Variants in FAT3 observed in about 807,000 individuals in gnomAD.
FAT3 encodes FAT atypical cadherin 3.
In FAT3, 95 loss-of-function variants were observed where a neutral mutation model predicts 310.2. The observed-to-expected ratio is 0.31, with a 90% CI of 0.26 to 0.36. The LOEUF (loss-of-function observed/expected upper bound fraction) is 0.36, where lower values mean the gene tolerates loss of function less well. FAT3 is among the 10% of genes least tolerant of loss of function. The pLI, the probability that FAT3 is intolerant of heterozygous loss-of-function variation, is 1.00. For synonymous variants in FAT3, 2,314 were observed against 2,192.9 expected (o/e 1.06, Z -1.54); for missense variants, 5,408 against 5,715.6 (o/e 0.95, Z 1.74).
chr11:92,284,992 T>A (rs1946522388), intron 1 of FAT3, among the ~76,000 whole-genome samples: 1 of 152,150 alleles, frequency 6.6e-6, no homozygotes, highest in African/African-American at 2.4e-5. Context: ...TGATAGAATT[T>A]TCTATTAGGA....
intron 18 of FAT3, 96 bp from the exon 19 acceptor site, chr11:92,843,838 C>T (rs1948607833): frequency 1.4e-5 from 16 of 1,175,092 alleles, no homozygotes; most frequent in South Asian, 7.5e-5. Context: ...AAGAAGCAAA[C>T]GTAAAGGTAC....
At chr11:92,776,873 C>G (rs1946611697) in intron 7 of FAT3, among the ~76,000 whole-genome samples, 1 of 152,140 alleles carries the variant, frequency 6.6e-6, no homozygotes, top group South Asian at 2.1e-4. Flanking sequence ...ATTACTCTGT[C>G]TGCTGAGCTA....
At chr11:92,292,618 T>C (rs926295117) in intron 1 of FAT3, among the ~76,000 whole-genome samples, 1 of 152,216 alleles carries the variant, frequency 6.6e-6, no homozygotes, top group Non-Finnish European at 1.5e-5. Flanking sequence ...GAGGTTATAC[T>C]GCATATAGCA....
chr11:92,409,202 A>G lies in FAT3; in HGVS notation c.3292+53798A>G, dbSNP rs192343173. 7.9e-5 allele frequency among the ~76,000 whole-genome samples: 12 copies of G among 152,190 alleles called. No homozygotes were observed. The East Asian group carries it at 2.1e-3, about 27-fold the overall frequency. Reference sequence around the variant, plus strand: ...CACAGATGTTAATAAATGTCACCACAGTATATTTGCTTTCTTTGTTAACCT... The same window carrying G: ...CACAGATGTTAATAAATGTCACCACGGTATATTTGCTTTCTTTGTTAACCT... On this transcript the variant is annotated intron_variant, in intron 2 of 27. Transcript: ENST00000525166.
chr11:92,442,102 TATATATATA>T (rs1223613988), intron 2 of FAT3, among the ~76,000 whole-genome samples: 32 of 51,066 alleles, frequency 6.3e-4, no homozygotes, highest in East Asian at 1.7e-3. Flanking sequence ...TATATATATA[TATATATATA>T]TTTTTTTTTT....
chr11:92,831,681 G>A lies in FAT3; in HGVS notation c.9541G>A (p.Asp3181Asn), dbSNP rs775979609. 5 of 1,613,378 alleles carry A rather than the reference G, an allele frequency of 3.1e-6. No homozygotes were observed. The African/African-American group carries it at 5.3e-5, about 17-fold the overall frequency. Residue 3181 changes from aspartate (D) to asparagine (N), a missense_variant, in exon 14 of 28, where the codon GAC becomes AAC. Transcript: ENST00000525166. ...CTCAGCTGGTGGGGTCTTCTCCATT[G>A]ACAGCTCATCTGGCATCATCATCCT... ...ADSAGGVFSI[D>N]SSSGIIILEQ...
chr11:92,328,491 G>A (rs534799872), intron 1 of FAT3, among the ~76,000 whole-genome samples: 1 of 152,088 alleles, frequency 6.6e-6, no homozygotes. Flanking sequence ...ATATCCTCTG[G>A]GTATTTTATT....
intron 4 of FAT3, among the ~76,000 whole-genome samples, chr11:92,728,252 T>C (rs918417959): frequency 6.6e-6 from 1 of 152,222 alleles, no homozygotes; most frequent in Non-Finnish European, 1.5e-5. Context: ...TGTTTGTTTG[T>C]TTGTTTAACT....
intron 2 of FAT3, among the ~76,000 whole-genome samples, chr11:92,484,866 C>A (rs1952329790): frequency 6.6e-6 from 1 of 152,186 alleles, no homozygotes; most frequent in Admixed American, 6.5e-5. Context: ...TGTAGGTGAA[C>A]TGAATTTATT....
At chr11:92,392,724 C>G (rs1949777751) in intron 2 of FAT3, among the ~76,000 whole-genome samples, 1 of 152,128 alleles carries the variant, frequency 6.6e-6, no homozygotes, top group African/African-American at 2.4e-5. Context: ...GCTAGACTGT[C>G]ATTGCTCAAT....
chr11:92,857,309 C>T lies in FAT3; in HGVS notation c.11461C>T (p.Leu3821Phe). 6.2e-7 allele frequency: 1 copy of T among 1,613,988 alleles called. No homozygotes were observed. Among genetic ancestry groups the T allele is most frequent in the Non-Finnish European group, 8.5e-7 (1 of 1,179,870 alleles). ...VSYEASRRPF[L>F]CQCPPGKLGE... ...TTATGAAGCCAGCAGGAGACCGTTC[C>T]TCTGCCAGTGTCCACCAGGGAAGCT... The change falls in exon 20 of 28, where the codon CTC becomes TTC. Residue 3821 changes from leucine (L) to phenylalanine (F), a missense_variant. Leu to Phe is a conservative substitution (Grantham distance 22). Transcript: ENST00000525166.
intron 2 of FAT3, among the ~76,000 whole-genome samples, chr11:92,443,624 C>T (rs1443859293): frequency 6.6e-6 from 1 of 152,106 alleles, no homozygotes; most frequent in African/African-American, 2.4e-5. Flanking sequence ...TTATTTTTGT[C>T]CTTAAACATT....
chr11:92,600,427 T>C lies in FAT3; in HGVS notation c.3607+75479T>C, dbSNP rs1363755847. ...TTCTACAAATGAAAAAGGACAAGTA[T>C]GTTTATAATAAAGTGCTTAGTCCTG... On this transcript the variant is annotated intron_variant, in intron 3 of 27. Transcript: ENST00000525166. Among the ~76,000 whole-genome samples the C allele has an allele frequency of 2.6e-5, 4 of 152,194 alleles. No homozygotes were observed. The South Asian group carries it at 6.2e-4, about 24-fold the overall frequency.
intron 4 of FAT3, among the ~76,000 whole-genome samples, chr11:92,734,850 T>C (rs1433878974): frequency 1.3e-5 from 2 of 152,094 alleles, no homozygotes; most frequent in African/African-American, 4.8e-5. Context: ...AAATGATCCC[T>C]GAGCCTGCAA....
intron 3 of FAT3, among the ~76,000 whole-genome samples, chr11:92,650,945 G>T (rs1942354015): frequency 6.6e-6 from 1 of 152,196 alleles, no homozygotes; most frequent in Non-Finnish European, 1.5e-5. Flanking sequence ...AGGTATGCTA[G>T]GTACCTTAAC....
chr11:92,244,343 A>G (rs949135940), intron 1 of FAT3, among the ~76,000 whole-genome samples: 1 of 152,116 alleles, frequency 6.6e-6, no homozygotes, highest in Non-Finnish European at 1.5e-5. Context: ...GTTAAATTTG[A>G]AAAACAACAA....
At chr11:92,716,330 C>G (rs905074576) in intron 4 of FAT3, among the ~76,000 whole-genome samples, 12 of 152,040 alleles carry the variant, frequency 7.9e-5, no homozygotes, top group African/African-American at 2.9e-4. Flanking sequence ...TGTTTCTTCC[C>G]TTTAAATGAA....
intron 1 of FAT3, among the ~76,000 whole-genome samples, chr11:92,331,003 T>TGTGTGAGAGAGA (rs1280550527): frequency 3.0e-5 from 4 of 133,494 alleles, no homozygotes; most frequent in Admixed American, 2.9e-4. Flanking sequence ...TGTGTGTGTG[T>TGTGTGAGAGAGA]GAGAGAGAGA....
chr11:92,716,342 T>C (rs1282288518), intron 4 of FAT3, among the ~76,000 whole-genome samples: 1 of 152,104 alleles, frequency 6.6e-6, no homozygotes, highest in Non-Finnish European at 1.5e-5. Context: ...TTAAATGAAG[T>C]GAGGTGGTCA....
Sources: gnomAD v4.1 joint callset for allele counts (sites outside exome capture counted in the v4.1 genomes callset) on GRCh38, gnomAD v4.1.1 for gene constraint, MANE v1.5 for transcripts, NCBI Gene and HGNC (gene_info 2026-07-23, HGNC 2026-07-21) for gene names.